The following GLRA2 variants were observed in gnomAD, a reference collection of about 807,000 sequenced individuals.
GLRA2 encodes glycine receptor subunit alpha-2.
In GLRA2, 11 loss-of-function variants were observed where a neutral mutation model predicts 31.6. The ratio of observed to expected loss-of-function variants is 0.35; its 90% CI spans 0.22 to 0.58. The LOEUF is 0.58. Among genes scored for constraint, GLRA2 ranks in the 20% least tolerant of loss-of-function variants. The pLI is 0.84. For synonymous variants in GLRA2, 132 were observed against 134.0 expected (o/e 0.99, Z 0.10); for missense variants, 212 against 351.8 (o/e 0.60, Z 3.18).
At chrX:14,511,477 T>C in the GLRA2 span, among the ~76,000 whole-genome samples, 1 of 112,109 alleles carries the variant, frequency 8.9e-6, no homozygotes, top group Non-Finnish European at 1.9e-5. Context: ...TCATGACTGT[T>C]AAACATGCTT....
intron 8 of GLRA2, among the ~76,000 whole-genome samples, chrX:14,704,578 A>G: frequency 8.9e-6 from 1 of 111,948 alleles, no homozygotes; most frequent in Middle Eastern, 4.7e-3. Flanking sequence ...TAACAAGCTG[A>G]TTTGGGGACA....
intron 8 of GLRA2, among the ~76,000 whole-genome samples, chrX:14,725,535 G>A (rs990031046): frequency 9.0e-6 from 1 of 111,699 alleles, no homozygotes; most frequent in African/African-American, 3.3e-5. Context: ...GAAATGCGAT[G>A]GAAAGATTTT....
chrX:14,642,595 ATT>A (rs111796358), intron 7 of GLRA2, among the ~76,000 whole-genome samples: 5 of 103,471 alleles, frequency 4.8e-5, no homozygotes, highest in East Asian at 3.0e-4. Flanking sequence ...TCTGGTCATG[ATT>A]TTTTTTTTTT....
chrX:14,716,680 C>G (rs771625445), intron 8 of GLRA2, among the ~76,000 whole-genome samples: 1 of 111,558 alleles, frequency 9.0e-6, no homozygotes, highest in East Asian at 2.8e-4. Context: ...TTTTGACATG[C>G]TCCCAGGAGC....
chrX:14,501,510 T>C, the GLRA2 span, among the ~76,000 whole-genome samples: 2 of 111,552 alleles, frequency 1.8e-5, no homozygotes, highest in African/African-American at 6.5e-5. Flanking sequence ...CACCCCTCCT[T>C]GTGCTTTGTT....
chrX:14,646,175 A>T (rs1378674124), intron 7 of GLRA2, among the ~76,000 whole-genome samples: 1 of 112,389 alleles, frequency 8.9e-6, no homozygotes, highest in East Asian at 2.8e-4. Context: ...ATTATACATG[A>T]AGAAATTAAA....
chrX:14,519,816 A>C, the GLRA2 span, among the ~76,000 whole-genome samples: 1 of 112,058 alleles, frequency 8.9e-6, no homozygotes, highest in Non-Finnish European at 1.9e-5. Context: ...AGAAGAAATA[A>C]TGCTTCATAT....
the GLRA2 span, among the ~76,000 whole-genome samples, chrX:14,506,561 C>T: frequency 1.8e-5 from 2 of 111,861 alleles, no homozygotes; most frequent in South Asian, 3.8e-4. Flanking sequence ...GCTAATTCCC[C>T]GGCCAAAGGC....
chrX:14,524,377 T>G (rs1482020219), upstream of GLRA2, among the ~76,000 whole-genome samples: 2 of 111,932 alleles, frequency 1.8e-5, no homozygotes, highest in Non-Finnish European at 3.8e-5. Context: ...GAAGAGAGTC[T>G]ATTTGAGACA....
intron 2 of GLRA2, among the ~76,000 whole-genome samples, chrX:14,553,011 A>G (rs1263501553): frequency 1.8e-5 from 2 of 111,220 alleles, no homozygotes; most frequent in African/African-American, 6.6e-5. Flanking sequence ...TGGGAGAATG[A>G]CCTCCTCAAT....
At chrX:14,616,276 G>A (rs62586464) in intron 7 of GLRA2, among the ~76,000 whole-genome samples, 1,232 of 111,894 alleles carry the variant, frequency 0.011, 11 homozygotes, top group Middle Eastern at 0.023. Context: ...ATTTGTGGCT[G>A]AAGCCCAGAG....
chrX:14,454,194 A>ACC, the GLRA2 span, among the ~76,000 whole-genome samples: 737 of 48,370 alleles, frequency 0.015, 8 homozygotes, highest in East Asian at 0.25. Context: ...ACACCCACAC[A>ACC]CACACACACA....
chrX:14,579,782 A>G (rs1425277460), intron 3 of GLRA2, among the ~76,000 whole-genome samples: 1 of 111,992 alleles, frequency 8.9e-6, no homozygotes, highest in Non-Finnish European at 1.9e-5. Flanking sequence ...CACAGACTTG[A>G]GATTAGGCCT....
At chrX:14,647,954 A>C (rs1031523660) in intron 7 of GLRA2, among the ~76,000 whole-genome samples, 4 of 112,630 alleles carry the variant, frequency 3.6e-5, no homozygotes, top group African/African-American at 1.3e-4. Flanking sequence ...ATATCATAGA[A>C]TCCTTTAAAT....
At chrX:14,451,790 G>GA in the GLRA2 span, among the ~76,000 whole-genome samples, 1 of 108,517 alleles carries the variant, frequency 9.2e-6, no homozygotes, top group African/African-American at 3.4e-5. Flanking sequence ...TCATGCAAAT[G>GA]AAAAAAAGGG....
chrX:14,475,569 T>G, the GLRA2 span, among the ~76,000 whole-genome samples: 1 of 111,264 alleles, frequency 9.0e-6, no homozygotes, highest in Non-Finnish European at 1.9e-5. Flanking sequence ...AAATTTATCT[T>G]TCACATACCC....
At chrX:14,484,093 CGT>C in the GLRA2 span, among the ~76,000 whole-genome samples, 1 of 111,050 alleles carries the variant, frequency 9.0e-6, no homozygotes, top group African/African-American at 3.3e-5. Context: ...TTAATAAACT[CGT>C]ATATGTATTT....
chrX:14,620,264 T>C (rs1276461496), intron 7 of GLRA2, among the ~76,000 whole-genome samples: 4 of 109,082 alleles, frequency 3.7e-5, no homozygotes, highest in Non-Finnish European at 7.6e-5. Context: ...CACAACTAAT[T>C]TGGGGGTTTC....
intron 3 of GLRA2, among the ~76,000 whole-genome samples, chrX:14,580,739 A>G (rs1274574081): frequency 3.6e-5 from 4 of 112,023 alleles, no homozygotes; most frequent in Admixed American, 9.5e-5. Context: ...TCACTACTCA[A>G]ATTACGCAGT....
Sources: gnomAD v4.1 joint callset for allele counts (sites outside exome capture counted in the v4.1 genomes callset) on GRCh38, gnomAD v4.1.1 for gene constraint, MANE v1.5 for transcripts, NCBI Gene and HGNC (gene_info 2026-07-23, HGNC 2026-07-21) for gene names.